TRIM37: variants seen among roughly 807,000 people sequenced by gnomAD.
TRIM37 encodes the protein tripartite motif containing 37, also known as E3 ubiquitin-protein ligase TRIM37.
Under a neutral mutation model 129.8 loss-of-function variants are expected in TRIM37, and 80 were observed. The ratio of observed to expected loss-of-function variants is 0.62; its 90% confidence interval spans 0.51 to 0.74. TRIM37 has a LOEUF of 0.74. Ranked by LOEUF, TRIM37 falls within the 30% of genes least tolerant of loss-of-function variation. The pLI is 0.00. For missense variants in TRIM37, 1,054 were observed against 1,176.5 expected (o/e 0.90, Z 1.52); for synonymous variants, 389 against 387.1 (o/e 1.00, Z -0.06).
intron 18 of TRIM37, 145 bp from the exon 19 acceptor site, chr17:59,028,868 T>C (rs138822552): frequency 1.2e-5 from 9 of 778,280 alleles, no homozygotes; most frequent in Non-Finnish European, 1.9e-5. Context: ...TAAATTCCAT[T>C]AATGAAAATA....
chr17:59,011,964 T>C (rs1424132930), intron 22 of TRIM37, among the ~76,000 whole-genome samples: 1 of 152,220 alleles, frequency 6.6e-6, no homozygotes, highest in East Asian at 1.9e-4. Flanking sequence ...GCCTGGTATG[T>C]AGGTGCCTTA....
downstream of TRIM37, among the ~76,000 whole-genome samples, chr17:58,996,868 CT>C (rs1164077365): frequency 2.0e-5 from 3 of 151,778 alleles, no homozygotes; most frequent in Non-Finnish European, 4.4e-5. Context: ...CATATCCCCC[CT>C]GATGTGATGC....
intron 10 of TRIM37, 178 bp downstream of exon 10, chr17:59,064,177 T>A: frequency 1.6e-6 from 1 of 606,428 alleles, no homozygotes; most frequent in Non-Finnish European, 2.9e-6. Context: ...GCAGTCAGTC[T>A]AAAGATACAA....
At chr17:59,073,208 T>C (rs1396194537) in intron 8 of TRIM37, 1 of 152,218 alleles carries the variant, frequency 6.6e-6, no homozygotes, top group Admixed American at 6.5e-5. Flanking sequence ...CATACATCCA[T>C]AAACAATGTT....
chr17:59,037,237 T>A (rs544215563), intron 17 of TRIM37, among the ~76,000 whole-genome samples: 1 of 152,168 alleles, frequency 6.6e-6, no homozygotes, highest in Non-Finnish European at 1.5e-5. Context: ...GTCACCCCGA[T>A]CTAGCTTTTT....
chr17:59,026,644 C>T (rs2037278844), intron 19 of TRIM37, among the ~76,000 whole-genome samples: 1 of 152,026 alleles, frequency 6.6e-6, no homozygotes, highest in Non-Finnish European at 1.5e-5. Context: ...AAAAGGACAC[C>T]CCTGCCAACA....
At position 59,079,881 on chromosome 17, in the gene TRIM37, G is replaced by C. The variant is rs757747990; in HGVS notation, c.493-4C>G. ...TTACAGCTTCTACATTCCTTTCCTAGAAGATAAAGAGGTAAGAATAATTTT... is the reference window on the plus strand; with the variant it reads ...TTACAGCTTCTACATTCCTTTCCTACAAGATAAAGAGGTAAGAATAATTTT... On this transcript the variant is annotated splice_region_variant and splice_polypyrimidine_tract_variant and intron_variant, in intron 6 of 23. Coordinates refer to ENST00000262294, the MANE Select transcript of TRIM37 (RefSeq NM_015294.6). The C allele has an allele frequency of 2.5e-6, 4 of 1,613,466 alleles. No individual in the cohort carries two copies. The highest frequency in any genetic ancestry group is 1.1e-5 in the South Asian group (1 of 91,066).
chr17:59,065,406 A>C (rs956360886), intron 9 of TRIM37, among the ~76,000 whole-genome samples: 5 of 152,208 alleles, frequency 3.3e-5, no homozygotes, highest in African/African-American at 1.2e-4. Flanking sequence ...CTAAGGGGCA[A>C]CTGTGATGGA....
chr17:59,100,491 A>G (rs1237439464), intron 2 of TRIM37, among the ~76,000 whole-genome samples: 2 of 152,218 alleles, frequency 1.3e-5, no homozygotes, highest in African/African-American at 4.8e-5. Context: ...TACATATTGT[A>G]TGATTTTCAT....
At chr17:59,048,002 A>G (rs1337856463) in intron 15 of TRIM37, among the ~76,000 whole-genome samples, 183 bp from the exon 16 acceptor site, 5 of 152,132 alleles carry the variant, frequency 3.3e-5, no homozygotes, top group African/African-American at 1.2e-4. Flanking sequence ...GACTGATATC[A>G]TTTTACTAAC....
At chr17:59,076,590 C>G (rs1353708342) in intron 7 of TRIM37, among the ~76,000 whole-genome samples, 3 of 152,102 alleles carry the variant, frequency 2.0e-5, no homozygotes, top group Non-Finnish European at 4.4e-5. Context: ...CAGAAATTAT[C>G]CTTATAGAAA....
At chr17:59,081,968 AAT>A (rs1217906651) in intron 5 of TRIM37, among the ~76,000 whole-genome samples, 5 of 142,572 alleles carry the variant, frequency 3.5e-5, no homozygotes, top group Admixed American at 7.0e-5. Context: ...AAAAAAAAAT[AAT>A]AATAATAATA....
chr17:59,086,286 GGAATGAAGTGGCGCGATCTT>G lies in TRIM37; in HGVS notation c.281+1985_281+2004del, dbSNP rs2043746815. 2.0e-5 allele frequency among the ~76,000 whole-genome samples: 3 copies of G among 148,640 alleles called. No individual in the cohort carries two copies. In the South Asian group the frequency reaches 6.4e-4, roughly 32 times the overall value. ...GGAGTCTAGCTCTGTCATCCAGGCTGGAATGAAGTGGCGCGATCTTGGCCCACTACAACCTCCACCTTCTA... is the reference window on the plus strand; with the variant it reads ...GGAGTCTAGCTCTGTCATCCAGGCTGGGCCCACTACAACCTCCACCTTCTA... On this transcript the variant is annotated intron_variant, in intron 4 of 23. Coordinates refer to ENST00000262294, the MANE Select transcript of TRIM37 (RefSeq NM_015294.6).
chr17:58,994,942 T>A (rs1367748285), downstream of TRIM37, among the ~76,000 whole-genome samples: 1 of 151,712 alleles, frequency 6.6e-6, no homozygotes, highest in Non-Finnish European at 1.5e-5. Flanking sequence ...ACAGATGGGG[T>A]TTCTCCATGT....
chr17:59,084,645 A>T (rs953127439), intron 4 of TRIM37, among the ~76,000 whole-genome samples: 2 of 152,176 alleles, frequency 1.3e-5, no homozygotes, highest in Admixed American at 6.6e-5. Context: ...CCCCCCTCAA[A>T]TTCATAGGTT....
At chr17:59,042,441 A>ATATATATATATATATATATATATAT (rs1555661491) in intron 16 of TRIM37, among the ~76,000 whole-genome samples, 1 of 84,462 alleles carries the variant, frequency 1.2e-5, no homozygotes, top group Non-Finnish European at 2.2e-5. Context: ...TAAAAAAAAA[A>ATATATATATATATATATATATATAT]AAAAAAAAAT....
At position 59,003,562 on chromosome 17, in the gene TRIM37, G is replaced by C. The variant is rs182103161; in HGVS notation, c.2696-1848C>G. ...TATTCATAGTTATTTACTTTGAAAA[G>C]TAAATAGAAACAGGCATACTGATGA... On this transcript the variant is annotated intron_variant, in intron 22 of 23. Coordinates refer to ENST00000262294, the MANE Select transcript of TRIM37 (RefSeq NM_015294.6). Among the ~76,000 whole-genome samples, 33 of 148,944 alleles carry C rather than the reference G, an allele frequency of 2.2e-4. No individual in the cohort carries two copies. The East Asian group carries it at 6.6e-3, about 30-fold the overall frequency.
intron 2 of TRIM37, among the ~76,000 whole-genome samples, chr17:59,094,477 G>C (rs916949576): frequency 6.6e-6 from 1 of 151,994 alleles, no homozygotes; most frequent in Non-Finnish European, 1.5e-5. Flanking sequence ...GGCACTTATG[G>C]ACCACATGAC....
intron 12 of TRIM37, among the ~76,000 whole-genome samples, chr17:59,059,953 T>C (rs2041328690): frequency 6.6e-6 from 1 of 152,186 alleles, no homozygotes; most frequent in Non-Finnish European, 1.5e-5. Flanking sequence ...CACTATTCCC[T>C]CTAATCCTGT....
Sources: gnomAD v4.1 joint callset for allele counts (sites outside exome capture counted in the v4.1 genomes callset) on GRCh38, gnomAD v4.1.1 for gene constraint, MANE v1.5 for transcripts, NCBI Gene and HGNC (gene_info 2026-07-23, HGNC 2026-07-21) for gene names.